MAST2: variants seen among roughly 807,000 people sequenced by gnomAD.
MAST2 encodes the protein microtubule associated serine/threonine kinase 2.
In MAST2, 70 loss-of-function variants were observed where a neutral mutation model predicts 147.4. The observed-to-expected ratio is 0.47, with a 90% CI of 0.39 to 0.58. The LOEUF is 0.58. Ranked by LOEUF, MAST2 falls within the 20% of genes least tolerant of loss-of-function variation. MAST2 has a pLI of 0.00. For missense variants in MAST2, 2,080 were observed against 2,302.3 expected (o/e 0.90, Z 1.98); for synonymous variants, 869 against 896.8 (o/e 0.97, Z 0.55).
intron 5 of MAST2, among the ~76,000 whole-genome samples, chr1:45,960,243 TC>T (rs1422135984): frequency 6.6e-6 from 1 of 152,118 alleles, no homozygotes; most frequent in Non-Finnish European, 1.5e-5. Flanking sequence ...GCACAGTGGC[TC>T]CCGCCTGTAA....
chr1:45,929,802 AT>A (rs78137920), intron 4 of MAST2, among the ~76,000 whole-genome samples: 152 of 148,300 alleles, frequency 1.0e-3, no homozygotes, highest in South Asian at 2.4e-3. Flanking sequence ...AAATAGATGG[AT>A]TTTTTTTTTT....
intron 3 of MAST2, among the ~76,000 whole-genome samples, chr1:45,840,103 A>G (rs1034160763): frequency 6.6e-6 from 1 of 152,178 alleles, no homozygotes; most frequent in African/African-American, 2.4e-5. Flanking sequence ...AAAGGAAAAA[A>G]ATTGGCTTTT....
chr1:45,943,346 A>G (rs1157299546), intron 4 of MAST2, among the ~76,000 whole-genome samples: 2 of 152,148 alleles, frequency 1.3e-5, no homozygotes, highest in African/African-American at 2.4e-5. Context: ...TTATGTGATC[A>G]TCTGATAGTT....
intron 3 of MAST2, among the ~76,000 whole-genome samples, chr1:45,832,637 CTTT>C (rs2147839848): frequency 6.6e-6 from 1 of 152,304 alleles, no homozygotes; most frequent in Admixed American, 6.5e-5. Context: ...CAACGTACTT[CTTT>C]GAGAACTACT....
intron 4 of MAST2, among the ~76,000 whole-genome samples, chr1:45,906,708 A>T (rs1650806712): frequency 1.3e-5 from 2 of 149,970 alleles, no homozygotes; most frequent in Non-Finnish European, 3.0e-5. Flanking sequence ...TGTTTATATA[A>T]TGTTATTATG....
chr1:45,839,434 G>A (rs1269782916), intron 3 of MAST2, among the ~76,000 whole-genome samples: 3 of 151,998 alleles, frequency 2.0e-5, no homozygotes, highest in Non-Finnish European at 2.9e-5. Flanking sequence ...AGCAACATCT[G>A]GCTGATTTTT....
At chr1:45,817,606 G>A (rs1644495335) in intron 1 of MAST2, among the ~76,000 whole-genome samples, 1 of 151,970 alleles carries the variant, frequency 6.6e-6, no homozygotes, top group African/African-American at 2.4e-5. Flanking sequence ...AGAAAAGGAT[G>A]TTAATGAGCA....
intron 4 of MAST2, among the ~76,000 whole-genome samples, chr1:45,924,477 G>T (rs1215357964): frequency 6.6e-6 from 1 of 152,166 alleles, no homozygotes. Context: ...AGTTCCAGAA[G>T]AGAGGGAACT....
chr1:46,021,526 G>C (rs1646178661), intron 11 of MAST2, among the ~76,000 whole-genome samples: 1 of 152,190 alleles, frequency 6.6e-6, no homozygotes. Context: ...GAGGTGCCCA[G>C]TAAATATTTG....
intron 4 of MAST2, among the ~76,000 whole-genome samples, chr1:45,949,768 C>T (rs1220079444): frequency 4.6e-5 from 7 of 152,090 alleles, no homozygotes; most frequent in Admixed American, 1.3e-4. Flanking sequence ...CACATGCACA[C>T]GAATGTTCAT....
chr1:45,966,605 C>T (rs539797940), intron 5 of MAST2, among the ~76,000 whole-genome samples: 1 of 152,122 alleles, frequency 6.6e-6, no homozygotes, highest in Admixed American at 6.5e-5. Context: ...ACCTGTAATC[C>T]CAGGTACTTG....
chr1:45,857,850 G>GTTTTTTTT (rs35371770), intron 3 of MAST2, among the ~76,000 whole-genome samples: 25 of 66,570 alleles, frequency 3.8e-4, no homozygotes, highest in Admixed American at 8.4e-4. Context: ...AACATGCGGT[G>GTTTTTTTT]TTTTTTTTTT....
rs142235050 is a variant in MAST2, at chr1:45,810,364, T to A, written c.177+6292T>A. Among the ~76,000 whole-genome samples the A allele has an allele frequency of 8.6e-3, 1,316 of 152,276 alleles. 7 individuals carry two copies. The highest frequency in any genetic ancestry group is 0.015 in the South Asian group (74 of 4,826). Reference sequence around the variant, plus strand: ...CAGGGTTAGTACATTGGGAAAAGCATAGGGCAGAAAGCACACAGAAGGGAA... The same window carrying A: ...CAGGGTTAGTACATTGGGAAAAGCAAAGGGCAGAAAGCACACAGAAGGGAA... On this transcript the variant is annotated intron_variant, in intron 1 of 28. Transcript: ENST00000361297.
At chr1:45,892,028 A>G (rs938141951) in intron 4 of MAST2, among the ~76,000 whole-genome samples, 3 of 152,194 alleles carry the variant, frequency 2.0e-5, no homozygotes, top group African/African-American at 7.2e-5. Context: ...CAGTTTTCCC[A>G]GGAAGGTTTT....
chr1:46,033,993 T>C, intron 27 of MAST2, 55 bp downstream of exon 27: 1 of 1,608,638 alleles, frequency 6.2e-7, no homozygotes, highest in Non-Finnish European at 8.5e-7. Flanking sequence ...TGCTGGTACG[T>C]GGTGGGTGCC....
chr1:46,008,391 G>A lies in MAST2; in HGVS notation c.978+20G>A. On this transcript the variant is annotated intron_variant, in intron 9 of 28. Coordinates refer to ENST00000361297, the MANE Select transcript of MAST2 (RefSeq NM_015112.3). The stretch of plus-strand genomic sequence containing the variant: ...CCAAAGGTAAGGATCCATTTAAAAG[G>A]AGAGTGGCAATACCCCTCCGGGTGG... 8 of 1,584,238 alleles carry A rather than the reference G, an allele frequency of 5.0e-6. No homozygotes were observed. The highest frequency in any genetic ancestry group is 6.9e-6 in the Non-Finnish European group (8 of 1,152,838).
At chr1:45,853,963 T>G (rs888334830) in intron 3 of MAST2, among the ~76,000 whole-genome samples, 2 of 152,202 alleles carry the variant, frequency 1.3e-5, no homozygotes, top group Non-Finnish European at 1.5e-5. Flanking sequence ...AGCTCATGGA[T>G]GTCCAGTTGT....
intron 4 of MAST2, among the ~76,000 whole-genome samples, chr1:45,899,829 G>A (rs11211220): frequency 0.79 from 120,310 of 151,394 alleles, 48,212 homozygotes; most frequent in East Asian, 0.98. Flanking sequence ...GGCCCAAGGG[G>A]AAAAAAAGAG....
chr1:45,929,779 C>T (rs1399685936), intron 4 of MAST2, among the ~76,000 whole-genome samples: 1 of 151,924 alleles, frequency 6.6e-6, no homozygotes, highest in Non-Finnish European at 1.5e-5. Context: ...TTAATATATA[C>T]ATATGTGTGT....
Sources: gnomAD v4.1 joint callset for allele counts (sites outside exome capture counted in the v4.1 genomes callset) on GRCh38, gnomAD v4.1.1 for gene constraint, MANE v1.5 for transcripts, NCBI Gene and HGNC (gene_info 2026-07-23, HGNC 2026-07-21) for gene names.